ZNF395: variants seen among roughly 807,000 people sequenced by gnomAD.
ZNF395 encodes HD gene regulatory region-binding protein 2.
A neutral mutation model predicts 57.7 loss-of-function variants in ZNF395; 20 were observed. The ratio of observed to expected loss-of-function variants is 0.35; its 90% confidence interval spans 0.24 to 0.50. The LOEUF (loss-of-function observed/expected upper bound fraction) is 0.50, where lower values mean the gene tolerates loss of function less well. Ranked by LOEUF, ZNF395 falls within the 20% of genes least tolerant of loss-of-function variation. ZNF395 has a pLI of 0.97. For missense variants in ZNF395, 606 were observed against 671.2 expected (o/e 0.90, Z 1.07); for synonymous variants, 295 against 275.9 (o/e 1.07, Z -0.69).
rs748044751 is a variant in ZNF395, at chr8:28,351,597, G to A, written c.1131C>T (p.Ser377=). ...LPPPLHKAQS[S]GPEHPGPESS... ...ACTCCGGGCCAGGATGTTCTGGGCC[G>A]GAGGACTGGGCTTTGTGCAGAGGTG... The change falls in exon 7 of 10, where the codon TCC becomes TCT. Residue 377 remains serine, a synonymous_variant. Transcript: ENST00000344423. The A allele has an allele frequency of 2.1e-5, 34 of 1,613,620 alleles. No homozygotes were observed. Among genetic ancestry groups the A allele is most frequent in the African/African-American group, 2.7e-5 (2 of 74,936 alleles).
intron 1 of ZNF395, among the ~76,000 whole-genome samples, chr8:28,368,221 A>T (rs938431050): frequency 1.3e-5 from 2 of 152,164 alleles, no homozygotes; most frequent in African/African-American, 4.8e-5. Context: ...GGGGAGAACA[A>T]GCCTCACAGA....
rs1227017624 is a variant in ZNF395, at chr8:28,356,766, C to A, written c.487G>T (p.Val163Leu). The change falls in exon 4 of 10, where the codon GTG (valine) becomes TTG (leucine). Residue 163 changes from valine to leucine, a missense_variant. Val to Leu is a conservative substitution (Grantham distance 32). Around this residue, in one of 3 missense-constraint regions of ZNF395, gnomAD observed 309 missense variants for 374.7 expected, o/e 0.82. Transcript: ENST00000344423. The surrounding 1 kb of genome is among the most constrained non-coding windows in gnomAD (Gnocchi z 4.0). ...IDVPKRKSDA[V>L]EMDEMMAAMV... ...GCCGCCATCATCTCATCCATTTCCACTGCGTCCGACTTCCTGGATTCACAC... is the reference window on the plus strand; with the variant it reads ...GCCGCCATCATCTCATCCATTTCCAATGCGTCCGACTTCCTGGATTCACAC... 1 of 1,613,990 alleles carries A rather than the reference C, an allele frequency of 6.2e-7. No homozygotes were observed. The highest frequency in any genetic ancestry group is 1.3e-5 in the African/African-American group (1 of 74,948).
chr8:28,365,071 TG>T (rs544845310), intron 1 of ZNF395, among the ~76,000 whole-genome samples: 1 of 152,178 alleles, frequency 6.6e-6, no homozygotes, highest in Non-Finnish European at 1.5e-5. Context: ...ATTAATAGGA[TG>T]GAAGTGGGAG....
rs1031575542 is a variant in ZNF395, at chr8:28,348,416, G to A, written c.*303C>T. 13 of 381,720 alleles carry A rather than the reference G, an allele frequency of 3.4e-5. No homozygotes were observed. The highest frequency in any genetic ancestry group is 6.5e-5 in the Non-Finnish European group (13 of 200,232). 23.6% of individuals were successfully genotyped at this position (381,720 alleles called of 1,614,324 possible). On this transcript the variant is annotated 3_prime_UTR_variant, in exon 10 of 10. Transcript: ENST00000344423. Reference sequence around the variant, plus strand: ...CACGCACAAGCTAATCCCCTAGAGAGTGGGGATGTGGGAAACGGAGGGTAA... The same window carrying A: ...CACGCACAAGCTAATCCCCTAGAGAATGGGGATGTGGGAAACGGAGGGTAA...
rs2129930024 is a variant in ZNF395, at chr8:28,347,132, A to G, written c.*1587T>C. On this transcript the variant is annotated 3_prime_UTR_variant, in exon 10 of 10. Coordinates refer to ENST00000344423, the MANE Select transcript of ZNF395 (RefSeq NM_018660.3). ...ATTAAAAAGCACGTGTCTATTTCCT[A>G]CGTGAAGGGGCCAAGGGAGCCCTGG... The G allele has an allele frequency of 6.6e-6, 1 of 152,166 alleles. No homozygotes were observed. The highest frequency in any genetic ancestry group is 3.4e-3 in the Middle Eastern group (1 of 294). The allele number at this position is 152,166 out of a possible 1,614,324, so 9.4% of individuals were successfully genotyped here.
intron 1 of ZNF395, among the ~76,000 whole-genome samples, chr8:28,366,274 C>T (rs566937893): frequency 4.0e-4 from 61 of 152,138 alleles, no homozygotes; most frequent in Admixed American, 3.9e-3. Flanking sequence ...TTATCTCCAC[C>T]GGGTATCACT....
At chr8:28,385,849 G>A (rs929618103) in intron 1 of ZNF395, among the ~76,000 whole-genome samples, 1 of 145,566 alleles carries the variant, frequency 6.9e-6, no homozygotes, top group Non-Finnish European at 1.5e-5. Context: ...CGGCCCTGCC[G>A]CAGCGTCCCG....
At chr8:28,350,020 C>T in intron 8 of ZNF395, 44 bp downstream of exon 8, 5 of 1,515,494 alleles carry the variant, frequency 3.3e-6, no homozygotes, top group Non-Finnish European at 4.4e-6. Flanking sequence ...TGTGGGAGAG[C>T]CCTCGGCCAT....
In ZNF395 at chr8:28,359,868, T is replaced by C. The variant is rs757233551; in HGVS notation, c.241-44A>G. On this transcript the variant is annotated intron_variant, in intron 2 of 9. Transcript: ENST00000344423. This position sits in a 1 kb window ranked among gnomAD's most constrained non-coding sequence, Gnocchi z 4.7. ...CAGTTAGTGGTCAGCCCTGGATGGG[T>C]CTCGCCCTGAAGTTCTCATGCACCC... 2.5e-6 allele frequency: 4 copies of C among 1,584,988 alleles called. No homozygotes were observed. Among genetic ancestry groups the C allele is most frequent in the Non-Finnish European group, 3.4e-6 (4 of 1,159,778 alleles).
Position 28,348,167 on chromosome 8 carries a change from C to T in ZNF395, c.*552G>A, listed in dbSNP as rs1801630621. 1 of 151,634 alleles carries T rather than the reference C, an allele frequency of 6.6e-6. No homozygotes were observed. 9.4% of individuals were successfully genotyped at this position (151,634 alleles called of 1,614,324 possible). Reference sequence around the variant, plus strand: ...TTGACTTCCATGCAGGATGCTCAGACAGGGAACAGGAGGTACCCTCCGAGA... The same window carrying T: ...TTGACTTCCATGCAGGATGCTCAGATAGGGAACAGGAGGTACCCTCCGAGA... On this transcript the variant is annotated 3_prime_UTR_variant, in exon 10 of 10. Coordinates refer to ENST00000344423, the MANE Select transcript of ZNF395 (RefSeq NM_018660.3).
chr8:28,372,639 C>T (rs1021631470), intron 1 of ZNF395, among the ~76,000 whole-genome samples: 3 of 152,124 alleles, frequency 2.0e-5, no homozygotes, highest in African/African-American at 7.2e-5. Context: ...ATACAAACAT[C>T]AGCCAGGCGT....
At chr8:28,383,992 T>C (rs1405306208) in intron 1 of ZNF395, among the ~76,000 whole-genome samples, 1 of 152,170 alleles carries the variant, frequency 6.6e-6, no homozygotes, top group Non-Finnish European at 1.5e-5. Context: ...TTAATTTCCA[T>C]TCATCTCATC....
Position 28,380,279 on chromosome 8 carries a change from C to A in ZNF395, c.-59+6114G>T, listed in dbSNP as rs149159565. Among the ~76,000 whole-genome samples, 2 of 152,218 alleles carry A rather than the reference C, an allele frequency of 1.3e-5. 1 individual carries two copies. The highest frequency in any genetic ancestry group is 4.1e-4 in the South Asian group (2 of 4,830). ...GGATACTGAAAATCTCAAAACGCTA[C>A]AATTCAAATTTTTAAACCTAAATCA... On this transcript the variant is annotated intron_variant, in intron 1 of 9. Coordinates refer to ENST00000344423, the MANE Select transcript of ZNF395 (RefSeq NM_018660.3).
chr8:28,382,846 G>A (rs1402072404), intron 1 of ZNF395, among the ~76,000 whole-genome samples: 4 of 152,166 alleles, frequency 2.6e-5, no homozygotes, highest in Non-Finnish European at 4.4e-5. Flanking sequence ...TCAACTTAGT[G>A]GGAGACAAGA....
Position 28,352,749 on chromosome 8 carries a change from C to CA in ZNF395, c.820-77dup. 7.5e-7 allele frequency: 1 copy of CA among 1,331,700 alleles called. No individual in the cohort carries two copies. The highest frequency in any genetic ancestry group is 1.1e-6 in the Non-Finnish European group (1 of 933,124). The allele number at this position is 1,331,700 out of a possible 1,614,324, so 82.5% of individuals were successfully genotyped here. A position where few individuals can be genotyped will look rare whatever the true frequency, so the allele number is the denominator to read the frequency against. On this transcript the variant is annotated intron_variant, in intron 5 of 9. Coordinates refer to ENST00000344423, the MANE Select transcript of ZNF395 (RefSeq NM_018660.3). The surrounding 1 kb of genome is among the most constrained non-coding windows in gnomAD (Gnocchi z 4.0). The stretch of plus-strand genomic sequence containing the variant: ...CGCTCAACCTTACCCAGTGGGGACT[C>CA]AAACTGGCTGCTGTCCCCGGCCTGA...
In ZNF395 at chr8:28,356,683, C is replaced by T. The variant is rs749494663; in HGVS notation, c.570G>A (p.Glu190=). The stretch of plus-strand genomic sequence containing the variant: ...CCGCTTGCTCACCAGAGAAGTTGGC[C>T]TCGGTCCCGGGAGGACTCTGTACAA... The part of the protein sequence containing the change: ...SPVVQSPPGT[E]ANFSASRAAC... The change falls in exon 4 of 10, where the codon GAG becomes GAA. Residue 190 remains glutamate, a synonymous_variant. Transcript: ENST00000344423. This position sits in a 1 kb window ranked among gnomAD's most constrained non-coding sequence, Gnocchi z 4.0. 3.1e-6 allele frequency: 5 copies of T among 1,613,970 alleles called. No homozygotes were observed. In the South Asian group the frequency reaches 4.4e-5, roughly 14 times the overall value.
At chr8:28,383,405 A>T (rs1802133754) in intron 1 of ZNF395, among the ~76,000 whole-genome samples, 1 of 152,044 alleles carries the variant, frequency 6.6e-6, no homozygotes, top group African/African-American at 2.4e-5. Flanking sequence ...CCTAGGGCTA[A>T]TGTCTTCCTG....
chr8:28,356,862 G>C lies in ZNF395; in HGVS notation c.474-83C>G, dbSNP rs950471108. On this transcript the variant is annotated intron_variant, in intron 3 of 9. Coordinates refer to ENST00000344423, the MANE Select transcript of ZNF395 (RefSeq NM_018660.3). The surrounding 1 kb of genome is among the most constrained non-coding windows in gnomAD (Gnocchi z 4.0). The stretch of plus-strand genomic sequence containing the variant: ...CTTGCAAAACGAGACACCACTTCTG[G>C]CTGGTTTCACACAATCATCTTACAC... 8.9e-7 allele frequency: 1 copy of C among 1,123,412 alleles called. No individual in the cohort carries two copies. 69.6% of individuals were successfully genotyped at this position (1,123,412 alleles called of 1,614,324 possible). A position where few individuals can be genotyped will look rare whatever the true frequency, so the allele number is the denominator to read the frequency against.
In ZNF395 at chr8:28,345,772, T is replaced by C. The variant is rs895041382; in HGVS notation, c.*2947A>G. On this transcript the variant is annotated 3_prime_UTR_variant, in exon 10 of 10. Transcript: ENST00000344423. Reference sequence around the variant, plus strand: ...ATTTATCTCCCTCTTGCTTTTTTTTTTTTTGCCCCTGGTAAAAGTCAGAAC... The same window carrying C: ...ATTTATCTCCCTCTTGCTTTTTTTTCTTTTGCCCCTGGTAAAAGTCAGAAC... The C allele has an allele frequency of 6.6e-6, 1 of 151,710 alleles. No individual in the cohort carries two copies. The highest frequency in any genetic ancestry group is 2.4e-5 in the African/African-American group (1 of 41,178). The allele number at this position is 151,710 out of a possible 1,614,324, so 9.4% of individuals were successfully genotyped here.
Sources: allele counts gnomAD v4.1 joint callset (sites outside exome capture counted in the v4.1 genomes callset), GRCh38; gene constraint gnomAD v4.1.1; regional missense constraint gnomAD v4.1.1; non-coding constraint Gnocchi (gnomAD v3.1); transcripts MANE v1.5; gene names NCBI Gene and HGNC (gene_info 2026-07-23, HGNC 2026-07-21).